Variants in ANO1 observed in about 807,000 individuals in gnomAD.
ANO1 encodes the protein anoctamin 1, also known as anoctamin-1.
ANO1 carries 59 observed loss-of-function variants against 124.0 expected under a neutral mutation model. The observed-to-expected ratio is 0.48, with a 90% CI of 0.39 to 0.59. The LOEUF (loss-of-function observed/expected upper bound fraction) is 0.59, where lower values mean the gene tolerates loss of function less well. Among genes scored for constraint, ANO1 ranks in the 20% least tolerant of loss-of-function variants. The probability of loss-of-function intolerance (pLI) is 0.00; values close to 1 mark genes in which losing one functional copy is unlikely to be tolerated. For synonymous variants in ANO1, 529 were observed against 532.0 expected, an observed-to-expected ratio of 0.99 and a Z score of 0.08; for missense variants, 1,059 against 1,328.0, an observed-to-expected ratio of 0.80 and a Z score of 3.15.
chr11:69,977,945 G>A, the ANO1 span, among the ~76,000 whole-genome samples: 1 of 152,222 alleles, frequency 6.6e-6, no homozygotes, highest in African/African-American at 2.4e-5. Context: ...GCTGTCATTT[G>A]CATACTGTGG....
At position 70,099,428 on chromosome 11, in the gene ANO1, G is replaced by A. The variant is rs901325782; in HGVS notation, c.442-3638G>A. Among the ~76,000 whole-genome samples the A allele has an allele frequency of 5.3e-5, 8 of 152,190 alleles. No individual in the cohort carries two copies. The East Asian group carries it at 5.8e-4, about 11-fold the overall frequency. On this transcript the variant is annotated intron_variant, in intron 2 of 25. Transcript: ENST00000355303. Reference sequence around the variant, plus strand: ...AGCAGCCACCGGCTCCTTGACCACCGTGCAGAAATCCTCATGGACTCAGAG... The same window carrying A: ...AGCAGCCACCGGCTCCTTGACCACCATGCAGAAATCCTCATGGACTCAGAG...
chr11:70,141,190 A>T (rs1329647747), intron 11 of ANO1, among the ~76,000 whole-genome samples: 1 of 152,166 alleles, frequency 6.6e-6, no homozygotes, highest in East Asian at 1.9e-4. Flanking sequence ...GGGGACATGT[A>T]GGCGTAGTGC....
At chr11:70,062,637 C>T (rs1181621066) in intron 1 of ANO1, among the ~76,000 whole-genome samples, 1 of 152,206 alleles carries the variant, frequency 6.6e-6, no homozygotes, top group Non-Finnish European at 1.5e-5. Flanking sequence ...TGCTCCGTGC[C>T]TGTCTCAGCA....
At chr11:70,111,333 C>T in intron 6 of ANO1, 2 of 500,148 alleles carry the variant, frequency 4.0e-6, no homozygotes, top group South Asian at 1.8e-5. Context: ...ATCCACCTTC[C>T]CCATCTGCAG....
chr11:69,977,864 C>T, the ANO1 span, among the ~76,000 whole-genome samples: 1 of 152,218 alleles, frequency 6.6e-6, no homozygotes, highest in African/African-American at 2.4e-5. Flanking sequence ...CTCAGATTCC[C>T]TTCAGATGTC....
chr11:70,030,485 A>G (rs1856981510), intron 1 of ANO1, among the ~76,000 whole-genome samples: 1 of 152,158 alleles, frequency 6.6e-6, no homozygotes, highest in African/African-American at 2.4e-5. Flanking sequence ...GTCCACAGTG[A>G]ATCTTAGGGG....
At chr11:70,080,734 TC>T (rs1249404992) in intron 1 of ANO1, among the ~76,000 whole-genome samples, 1 of 152,178 alleles carries the variant, frequency 6.6e-6, no homozygotes, top group African/African-American at 2.4e-5. Flanking sequence ...ACACAACACT[TC>T]CGTTACACAT....
chr11:70,059,733 C>G (rs1388828599), intron 1 of ANO1, among the ~76,000 whole-genome samples: 1 of 152,018 alleles, frequency 6.6e-6, no homozygotes, highest in African/African-American at 2.4e-5. Flanking sequence ...GGCTTGTATC[C>G]CACGTAGAAG....
intron 24 of ANO1, among the ~76,000 whole-genome samples, chr11:70,183,183 A>G (rs1293675114): frequency 6.6e-6 from 1 of 152,212 alleles, no homozygotes; most frequent in Non-Finnish European, 1.5e-5. Context: ...GAAGCCCAGG[A>G]TAGCTTCAGG....
chr11:69,992,921 G>A (rs782448776), intron 1 of ANO1, among the ~76,000 whole-genome samples: 2 of 152,184 alleles, frequency 1.3e-5, no homozygotes, highest in African/African-American at 2.4e-5. Flanking sequence ...ATGGCCATTA[G>A]GTAGACAAAT....
chr11:70,114,359 T>C (rs1436268458), intron 7 of ANO1, among the ~76,000 whole-genome samples: 1 of 152,224 alleles, frequency 6.6e-6, no homozygotes, highest in Non-Finnish European at 1.5e-5. Context: ...GTACCAAAGC[T>C]GATGTTTAAG....
chr11:70,161,284 G>A lies in ANO1; in HGVS notation c.1702G>A (p.Ala568Thr), dbSNP rs557778881. 10 of 1,613,908 alleles carry A rather than the reference G, an allele frequency of 6.2e-6. No individual in the cohort carries two copies. In the African/African-American group the frequency reaches 8.0e-5, roughly 13 times the overall value. ...CATCCGGGTCACAGTCACAGCCACCGCAGTCATCATCAACCTAGTGGTCAT... is the reference window on the plus strand; with the variant it reads ...CATCCGGGTCACAGTCACAGCCACCACAGTCATCATCAACCTAGTGGTCAT... ...SNIRVTVTATAVIINLVVIIL... is the reference protein window; with the variant it reads ...SNIRVTVTATTVIINLVVIIL... The change falls in exon 17 of 26, where the codon GCA becomes ACA. Residue 568 changes from alanine (A) to threonine (T), a missense_variant. Physicochemically the swap from Ala to Thr is moderately conservative, Grantham distance 58. Transcript: ENST00000355303.
intron 4 of ANO1, 100 bp from the exon 5 acceptor site, chr11:70,105,634 C>T (rs2045496457): frequency 5.3e-6 from 6 of 1,121,620 alleles, no homozygotes; most frequent in Admixed American, 1.8e-5. Flanking sequence ...ATTTCACGGT[C>T]ACGGCTAATG....
intron 6 of ANO1, chr11:70,111,030 T>C: frequency 2.3e-6 from 1 of 426,410 alleles, no homozygotes. Context: ...CGGCTGTGAG[T>C]CCGCCAGAAT....
At chr11:69,969,473 A>T in the ANO1 span, among the ~76,000 whole-genome samples, 1 of 152,162 alleles carries the variant, frequency 6.6e-6, no homozygotes, top group South Asian at 2.1e-4. Context: ...GGTGATGTTC[A>T]CGGTCTGACG....
At chr11:70,021,399 C>A (rs1461363072) in intron 1 of ANO1, among the ~76,000 whole-genome samples, 1 of 152,006 alleles carries the variant, frequency 6.6e-6, no homozygotes, top group Non-Finnish European at 1.5e-5. Context: ...TTCACTCCCA[C>A]CCCTTCTTTT....
rs1306091025 is a variant in ANO1, at chr11:70,010,163, G to A, written c.58+23997G>A. On this transcript the variant is annotated intron_variant, in intron 1 of 27. Transcript: ENST00000531349. ...TGTGTGTGTGTGTGTGTGTGTGTGT[G>A]TGCGCGTGTGTGTGTGTATATATAT... Among the ~76,000 whole-genome samples the A allele has an allele frequency of 1.7e-3, 84 of 48,218 alleles. 7 individuals carry two copies. The East Asian group carries it at 0.08, about 46-fold the overall frequency. The allele number at this position is 48,218 out of a possible 152,430, so 31.6% of individuals were successfully genotyped here.
intron 1 of ANO1, among the ~76,000 whole-genome samples, chr11:70,039,685 G>A (rs782539681): frequency 6.6e-6 from 1 of 152,038 alleles, no homozygotes; most frequent in Non-Finnish European, 1.5e-5. Flanking sequence ...TCCACCTCAA[G>A]TGACTATTCT....
At chr11:69,973,002 C>T in the ANO1 span, among the ~76,000 whole-genome samples, 13 of 152,090 alleles carry the variant, frequency 8.5e-5, 1 homozygote, top group African/African-American at 2.9e-4. Flanking sequence ...CTCCACCTCC[C>T]GGGTTCAAGC....
Sources: allele counts gnomAD v4.1 joint callset (sites outside exome capture counted in the v4.1 genomes callset), GRCh38; gene constraint gnomAD v4.1.1; transcripts MANE v1.5; gene names NCBI Gene and HGNC (gene_info 2026-07-23, HGNC 2026-07-21).